Variants in JAK1 observed in about 807,000 individuals in gnomAD.
JAK1 encodes Janus kinase 1, also known as tyrosine-protein kinase JAK1.
Under a neutral mutation model 136.6 loss-of-function variants are expected in JAK1, and 16 were observed. The ratio of observed to expected loss-of-function variants is 0.12; its 90% CI spans 0.08 to 0.18. The LOEUF (loss-of-function observed/expected upper bound fraction) is 0.18. Ranked by LOEUF, JAK1 falls within the 10% of genes least tolerant of loss-of-function variation. The pLI is 1.00. For synonymous variants in JAK1, 492 were observed against 519.5 expected (o/e 0.95, Z 0.72); for missense variants, 859 against 1,450.1 (o/e 0.59, Z 6.62).
chr1:65,027,917 T>A (rs1646991597), intron 2 of JAK1, among the ~76,000 whole-genome samples: 1 of 152,196 alleles, frequency 6.6e-6, no homozygotes, highest in South Asian at 2.1e-4. Flanking sequence ...AGGTTCTTTC[T>A]GGAAGGGAAG....
At chr1:64,870,125 G>C (rs1656987831) in intron 5 of JAK1, among the ~76,000 whole-genome samples, 1 of 152,216 alleles carries the variant, frequency 6.6e-6, no homozygotes. Context: ...TTTGTACAGA[G>C]TGAAAACGAT....
intron 1 of JAK1, chr1:64,942,002 G>C (rs946211127): frequency 2.0e-5 from 3 of 152,138 alleles, no homozygotes; most frequent in African/African-American, 7.2e-5. Context: ...GAACGATCCA[G>C]AATTATATAA....
At chr1:64,994,127 G>A (rs1286862667) in intron 2 of JAK1, among the ~76,000 whole-genome samples, 2 of 152,146 alleles carry the variant, frequency 1.3e-5, no homozygotes, top group East Asian at 3.9e-4. Flanking sequence ...TTTTTGTAGA[G>A]ACAGGTTTTG....
chr1:64,989,249 T>C (rs997817054), intron 2 of JAK1, among the ~76,000 whole-genome samples: 12 of 149,734 alleles, frequency 8.0e-5, no homozygotes, highest in African/African-American at 2.9e-4. Context: ...TGTTTGAACC[T>C]GGGAGGCAGA....
At chr1:64,860,437 TTTA>T (rs1335127040) in intron 8 of JAK1, among the ~76,000 whole-genome samples, 175 bp from the exon 9 acceptor site, 4 of 150,398 alleles carry the variant, frequency 2.7e-5, no homozygotes, top group Non-Finnish European at 5.9e-5. Flanking sequence ...TATTTATTTA[TTTA>T]TTTATTTATT....
In JAK1 at chr1:64,844,087, A is replaced by G. The variant is rs1655076619; in HGVS notation, c.2380T>C (p.Leu794=). The part of the protein sequence containing the change: ...WEICYNGEIP[L]KDKTLIEKER... ...ACCTCAATCAGCGTCTTGTCTTTCA[A>G]GGGGATCTCGCCATTGTAGCAGATT... The change falls in exon 17 of 25, where the codon TTG becomes CTG. Residue 794 remains leucine (L), a synonymous_variant. Coordinates refer to ENST00000342505, the MANE Select transcript of JAK1 (RefSeq NM_002227.4). This position sits in a 1 kb window ranked among gnomAD's most constrained non-coding sequence, Gnocchi z 5.7. 6.2e-7 allele frequency: 1 copy of G among 1,614,138 alleles called. No homozygotes were observed. Among genetic ancestry groups the G allele is most frequent in the Non-Finnish European group, 8.5e-7 (1 of 1,180,012 alleles).
intron 2 of JAK1, among the ~76,000 whole-genome samples, chr1:65,014,417 GAAAA>G (rs1430091793): frequency 6.7e-6 from 1 of 148,406 alleles, no homozygotes; most frequent in Non-Finnish European, 1.5e-5. Context: ...AAGGTAGAAA[GAAAA>G]GAAAGAAAGA....
chr1:64,933,215 G>A (rs1431552617), intron 1 of JAK1, among the ~76,000 whole-genome samples: 1 of 152,118 alleles, frequency 6.6e-6, no homozygotes, highest in Non-Finnish European at 1.5e-5. Flanking sequence ...GGTTTTACTC[G>A]AAGTTCCACA....
At chr1:64,898,429 A>G (rs1417207577) in intron 1 of JAK1, among the ~76,000 whole-genome samples, 1 of 152,234 alleles carries the variant, frequency 6.6e-6, no homozygotes, top group Non-Finnish European at 1.5e-5. Context: ...CTGTTCCTCT[A>G]TTATCCAGAA....
intron 1 of JAK1, among the ~76,000 whole-genome samples, chr1:65,057,128 T>G (rs1354214478): frequency 6.6e-6 from 1 of 152,094 alleles, no homozygotes; most frequent in Non-Finnish European, 1.5e-5. Context: ...GATGAGGTAA[T>G]ATACCCGATT....
intron 3 of JAK1, among the ~76,000 whole-genome samples, chr1:64,882,206 G>A (rs1644784221): frequency 6.6e-6 from 1 of 152,292 alleles, no homozygotes; most frequent in Admixed American, 6.5e-5. Flanking sequence ...ACTCTGGTGT[G>A]TGAAGATTTT....
At position 64,977,138 on chromosome 1, in the gene JAK1, CTTGTTTGTTTGT is replaced by C. The variant is rs10636048; in HGVS notation, c.-78+67330_-78+67341del. On this transcript the variant is annotated intron_variant, in intron 2 of 25. Transcript: ENST00000671954. ...TATATTGTCCTCACAACAGCTTCAT[CTTGTTTGTTTGT>C]TTGTTTGTTTGTTTGTTGAGATAGG... Among the ~76,000 whole-genome samples, 470 of 148,382 alleles carry C rather than the reference CTTGTTTGTTTGT, an allele frequency of 3.2e-3. 2 individuals carry two copies. Among genetic ancestry groups the C allele is most frequent in the Non-Finnish European group, 5.6e-3 (379 of 67,546 alleles).
intron 11 of JAK1, among the ~76,000 whole-genome samples, chr1:64,854,700 C>T (rs896381491): frequency 6.6e-6 from 1 of 152,036 alleles, no homozygotes; most frequent in African/African-American, 2.4e-5. Context: ...CCATTTCACT[C>T]CCTGATCCTC....
At chr1:65,033,281 G>A (rs926376029) in intron 2 of JAK1, among the ~76,000 whole-genome samples, 1 of 152,092 alleles carries the variant, frequency 6.6e-6, no homozygotes, top group South Asian at 2.1e-4. Flanking sequence ...AGCCTCCTGG[G>A]AGCTAGAATG....
At chr1:64,949,967 ACT>A (rs1446449583) in intron 1 of JAK1, among the ~76,000 whole-genome samples, 5 of 152,314 alleles carry the variant, frequency 3.3e-5, no homozygotes, top group Admixed American at 2.6e-4. Flanking sequence ...TATTACAAAG[ACT>A]CTATTAAAAT....
chr1:65,014,232 C>G (rs1232234802), intron 2 of JAK1, among the ~76,000 whole-genome samples: 1 of 152,020 alleles, frequency 6.6e-6, no homozygotes, highest in Non-Finnish European at 1.5e-5. Context: ...GATTATATGG[C>G]AGAAACAGTA....
intron 1 of JAK1, among the ~76,000 whole-genome samples, chr1:64,902,581 A>AGTGTGT (rs1394514935): frequency 0.014 from 208 of 14,800 alleles, no homozygotes; most frequent in Non-Finnish European, 0.044. Context: ...AGAGAGAGAG[A>AGTGTGT]GAGTGTGTGT....
intron 2 of JAK1, among the ~76,000 whole-genome samples, chr1:65,034,987 C>T (rs568538272): frequency 2.6e-5 from 4 of 152,064 alleles, no homozygotes; most frequent in African/African-American, 7.2e-5. Context: ...ACCTGGGAGG[C>T]GGAGGTTGCA....
chr1:64,985,597 G>A, intron 2 of JAK1: 2 of 956,342 alleles, frequency 2.1e-6, no homozygotes, highest in South Asian at 2.9e-5. Flanking sequence ...TGGGCCACCA[G>A]AATTCCAACA....
Sources: allele counts gnomAD v4.1 joint callset (sites outside exome capture counted in the v4.1 genomes callset), GRCh38; gene constraint gnomAD v4.1.1; non-coding constraint Gnocchi (gnomAD v3.1); transcripts MANE v1.5; gene names NCBI Gene and HGNC (gene_info 2026-07-23, HGNC 2026-07-21).